Variants in RTF1 observed in about 807,000 individuals in gnomAD.
RTF1 encodes the protein RNA polymerase-associated protein RTF1 homolog.
A neutral mutation model predicts 95.7 loss-of-function variants in RTF1; 10 were observed. The observed-to-expected ratio is 0.10, with a 90% CI of 0.06 to 0.18. The LOEUF is 0.18. Ranked by LOEUF, RTF1 falls within the 10% of genes least tolerant of loss-of-function variation. RTF1 has a pLI of 1.00. For synonymous variants in RTF1, 305 were observed against 311.8 expected (o/e 0.98, Z 0.23); for missense variants, 458 against 875.6 (o/e 0.52, Z 6.02).
chr15:41,444,123 TAGTC>T (rs1447459377), intron 2 of RTF1, among the ~76,000 whole-genome samples: 1 of 150,588 alleles, frequency 6.6e-6, no homozygotes, highest in Non-Finnish European at 1.5e-5. Flanking sequence ...ATACAAAAAT[TAGTC>T]AGGTGTGGTG....
chr15:41,457,313 C>T (rs1390311701), intron 3 of RTF1, among the ~76,000 whole-genome samples: 2 of 152,172 alleles, frequency 1.3e-5, no homozygotes, highest in East Asian at 3.8e-4. Flanking sequence ...GTGGGCAGAT[C>T]ACCTGAGGTC....
intron 2 of RTF1, among the ~76,000 whole-genome samples, chr15:41,452,300 G>A (rs912690410): frequency 9.2e-5 from 14 of 151,956 alleles, no homozygotes; most frequent in Non-Finnish European, 1.5e-4. Flanking sequence ...GCCGGGTGTG[G>A]TGGTACACGC....
At chr15:41,425,671 T>A (rs1001453933) in intron 1 of RTF1, among the ~76,000 whole-genome samples, 1 of 152,162 alleles carries the variant, frequency 6.6e-6, no homozygotes, top group Non-Finnish European at 1.5e-5. Context: ...GCAGTGCCTA[T>A]ATGCAGTTGG....
chr15:41,445,676 C>T (rs1162349605), intron 2 of RTF1, among the ~76,000 whole-genome samples: 2 of 151,456 alleles, frequency 1.3e-5, no homozygotes, highest in Non-Finnish European at 2.9e-5. Context: ...ATTGCATTTA[C>T]TGCCTCCTGT....
At chr15:41,421,841 G>T (rs1419090428) in intron 1 of RTF1, among the ~76,000 whole-genome samples, 1 of 151,472 alleles carries the variant, frequency 6.6e-6, no homozygotes, top group African/African-American at 2.4e-5. Flanking sequence ...CTCTCAAGTA[G>T]CTGGGACTAC....
chr15:41,461,354 G>A (rs145107958), intron 4 of RTF1, among the ~76,000 whole-genome samples: 1,972 of 151,490 alleles, frequency 0.013, 42 homozygotes, highest in African/African-American at 0.046. Context: ...GCCAATTTTT[G>A]TATTTTAAGT....
chr15:41,437,560 T>A (rs1044517251), intron 1 of RTF1, among the ~76,000 whole-genome samples: 1 of 152,088 alleles, frequency 6.6e-6, no homozygotes, highest in African/African-American at 2.4e-5. Flanking sequence ...GGACTGGTAT[T>A]GGTATTAGCA....
chr15:41,453,865 C>T (rs1366372912), intron 3 of RTF1, among the ~76,000 whole-genome samples: 2 of 151,898 alleles, frequency 1.3e-5, no homozygotes, highest in Non-Finnish European at 2.9e-5. Flanking sequence ...ATAATGTTTA[C>T]ATAAAAGCTG....
At chr15:41,473,432 C>T (rs1390420084) in intron 8 of RTF1, among the ~76,000 whole-genome samples, 1 of 149,848 alleles carries the variant, frequency 6.7e-6, no homozygotes, top group East Asian at 1.9e-4. Flanking sequence ...ACGCCCGGCC[C>T]AGGTGTTGGG....
intron 2 of RTF1, among the ~76,000 whole-genome samples, 167 bp from the exon 3 acceptor site, chr15:41,452,734 A>C (rs553141522): frequency 6.6e-6 from 1 of 151,250 alleles, no homozygotes; most frequent in South Asian, 2.1e-4. Flanking sequence ...ACCCTGTTTC[A>C]AAAAAAAAAT....
intron 1 of RTF1, among the ~76,000 whole-genome samples, chr15:41,437,730 A>G (rs934559497): frequency 2.0e-5 from 3 of 152,210 alleles, no homozygotes; most frequent in Admixed American, 1.3e-4. Context: ...TTAAATGACC[A>G]GGACAAGGCA....
At chr15:41,449,227 A>ATTTTT (rs34660598) in intron 2 of RTF1, among the ~76,000 whole-genome samples, 3,540 of 109,180 alleles carry the variant, frequency 0.032, 154 homozygotes, top group East Asian at 0.095. Flanking sequence ...AGGCAGGTGA[A>ATTTTT]TTTTTTTTTT....
intron 1 of RTF1, among the ~76,000 whole-genome samples, chr15:41,435,483 G>A (rs1566838371): frequency 2.0e-5 from 3 of 149,772 alleles, no homozygotes; most frequent in South Asian, 4.6e-4. Context: ...TTTACCTCAG[G>A]TTTTAAAACG....
intron 1 of RTF1, among the ~76,000 whole-genome samples, 177 bp from the exon 2 acceptor site, chr15:41,438,144 C>T (rs1172831616): frequency 6.6e-6 from 1 of 152,192 alleles, no homozygotes; most frequent in African/African-American, 2.4e-5. Flanking sequence ...AACATTTCTT[C>T]AGCATCTTGG....
intron 2 of RTF1, among the ~76,000 whole-genome samples, chr15:41,442,978 T>C (rs373750337): frequency 2.0e-5 from 3 of 152,192 alleles, no homozygotes; most frequent in Admixed American, 6.5e-5. Context: ...TTCAAACTTA[T>C]ATATGTCTCT....
intron 17 of RTF1, 105 bp downstream of exon 17, chr15:41,480,430 C>A: frequency 1.0e-6 from 1 of 991,610 alleles, no homozygotes; most frequent in Non-Finnish European, 1.6e-6. Context: ...GGAATGCTGG[C>A]TCATCAGCAT....
At chr15:41,460,507 G>A (rs972860289) in intron 4 of RTF1, among the ~76,000 whole-genome samples, 3 of 152,286 alleles carry the variant, frequency 2.0e-5, no homozygotes, top group African/African-American at 7.2e-5. Context: ...GGAGTTACCA[G>A]ATGGTTTAAA....
In RTF1 at chr15:41,479,105, C is replaced by G; in HGVS notation, c.1821C>G (p.Ser607=). Residue 607 remains serine (S), a splice_region_variant and synonymous_variant, in exon 16 of 18, where the codon TCC becomes TCG. Coordinates refer to ENST00000389629, the MANE Select transcript of RTF1 (RefSeq NM_015138.5). Reference sequence around the variant, plus strand: ...AAACAACTTATTTTCTCTCTCAGTCCAGAGACCCAGCTGTTCAAGCTGCCA... The same window carrying G: ...AAACAACTTATTTTCTCTCTCAGTCGAGAGACCCAGCTGTTCAAGCTGCCA... The part of the protein sequence containing the change: ...RQCKPTIVSN[S]RDPAVQAAIL... 6.2e-7 allele frequency: 1 copy of G among 1,610,676 alleles called. No homozygotes were observed.
intron 3 of RTF1, among the ~76,000 whole-genome samples, chr15:41,455,133 G>C (rs977589885): frequency 6.6e-6 from 1 of 151,930 alleles, no homozygotes; most frequent in South Asian, 2.1e-4. Flanking sequence ...GGCCAACATG[G>C]TGAAACCCCG....
Sources: gnomAD v4.1 joint callset for allele counts (sites outside exome capture counted in the v4.1 genomes callset) on GRCh38, gnomAD v4.1.1 for gene constraint, MANE v1.5 for transcripts, NCBI Gene and HGNC (gene_info 2026-07-23, HGNC 2026-07-21) for gene names.